MEI1: variants seen among roughly 807,000 people sequenced by gnomAD.
The protein encoded by MEI1 is meiotic double-stranded break formation protein 1, also known as meiosis inhibitor protein 1.
Under a neutral mutation model 146.2 loss-of-function variants are expected in MEI1, and 103 were observed. The observed-to-expected ratio is 0.70, with a 90% confidence interval of 0.60 to 0.83. The LOEUF is 0.83. Ranked by LOEUF, MEI1 falls within the 40% of genes least tolerant of loss-of-function variation. The pLI, the probability that MEI1 is intolerant of heterozygous loss-of-function variation, is 0.00. For synonymous variants in MEI1, 652 were observed against 628.2 expected (o/e 1.04, Z -0.57); for missense variants, 1,529 against 1,533.0 (o/e 1.00, Z 0.04).
chr22:41,742,650 A>C (rs1473564780), intron 11 of MEI1, among the ~76,000 whole-genome samples: 2 of 152,202 alleles, frequency 1.3e-5, no homozygotes, highest in Non-Finnish European at 2.9e-5. Flanking sequence ...TTAGATAAGC[A>C]TTGAAGTAAG....
At chr22:41,718,500 A>ACT (rs760985215) in intron 6 of MEI1, among the ~76,000 whole-genome samples, 236 of 152,246 alleles carry the variant, frequency 1.6e-3, no homozygotes, top group Middle Eastern at 3.4e-3. Context: ...GTGGGACAGC[A>ACT]ATTTTTTCTG....
intron 3 of MEI1, among the ~76,000 whole-genome samples, chr22:41,712,425 T>C (rs1451323670): frequency 1.3e-5 from 2 of 150,580 alleles, no homozygotes; most frequent in South Asian, 2.1e-4. Context: ...TTAGTAGAGA[T>C]GGGGTTTCAC....
chr22:41,741,241 A>T (rs1227036683), intron 11 of MEI1, among the ~76,000 whole-genome samples: 1 of 152,194 alleles, frequency 6.6e-6, no homozygotes, highest in Non-Finnish European at 1.5e-5. Flanking sequence ...ACGACACCTC[A>T]ATTTCAGATT....
intron 3 of MEI1, among the ~76,000 whole-genome samples, chr22:41,707,237 G>A (rs953468309): frequency 6.6e-6 from 1 of 152,086 alleles, no homozygotes; most frequent in Admixed American, 6.6e-5. Context: ...GTAGGTAACT[G>A]AAGAAAAAGA....
intron 12 of MEI1, among the ~76,000 whole-genome samples, chr22:41,743,764 A>G (rs2073070048): frequency 6.6e-6 from 1 of 152,350 alleles, no homozygotes. Context: ...TAATAGGGCC[A>G]TTATAGTCAA....
Position 41,787,665 on chromosome 22 carries a change from T to C in MEI1, c.3345+2882T>C, listed in dbSNP as rs557207650. On this transcript the variant is annotated intron_variant, in intron 26 of 30. Transcript: ENST00000401548. ...GGAAATGCTTTCTCCCTAATGTTTCTAAAAGCGCTGATGTTCCTGTTTTAA... is the reference window on the plus strand; with the variant it reads ...GGAAATGCTTTCTCCCTAATGTTTCCAAAAGCGCTGATGTTCCTGTTTTAA... Among the ~76,000 whole-genome samples the C allele has an allele frequency of 2.3e-4, 35 of 152,296 alleles. No individual in the cohort carries two copies. In the South Asian group the frequency reaches 2.7e-3, roughly 12 times the overall value.
intron 11 of MEI1, among the ~76,000 whole-genome samples, chr22:41,742,013 A>G (rs1488420363): frequency 1.3e-5 from 2 of 151,106 alleles, no homozygotes; most frequent in Admixed American, 1.3e-4. Flanking sequence ...GTAATCCCAC[A>G]CTTTGGGAAG....
At chr22:41,737,954 A>G (rs1292715070) in intron 11 of MEI1, among the ~76,000 whole-genome samples, 1 of 152,248 alleles carries the variant, frequency 6.6e-6, no homozygotes, top group African/African-American at 2.4e-5. Flanking sequence ...TTTATAGAGT[A>G]ACTTTTATTT....
intron 5 of MEI1, 100 bp downstream of exon 5, chr22:41,716,246 AC>A: frequency 1.3e-6 from 1 of 771,930 alleles, no homozygotes; most frequent in Non-Finnish European, 2.1e-6. Context: ...GGAAGTCATT[AC>A]TTTCCTGCTT....
At chr22:41,704,801 G>A (rs749033006) in intron 2 of MEI1, among the ~76,000 whole-genome samples, 5 of 151,852 alleles carry the variant, frequency 3.3e-5, no homozygotes, top group South Asian at 2.1e-4. Context: ...TTCAAGCTCC[G>A]CCTCCCAGGT....
chr22:41,699,622 T>C lies in MEI1; in HGVS notation c.84T>C (p.His28=). The change falls in exon 1 of 31, where the codon CAT becomes CAC. Residue 28 remains histidine, a synonymous_variant. Coordinates refer to ENST00000401548, the MANE Select transcript of MEI1 (RefSeq NM_152513.4). ...EEAALLFERA[H]YRHDPRWLLP... ...CGGCGCTTCTATTCGAGAGGGCCCA[T>C]TACCGGCACGACCCGCGCTGGCTGC... is the stretch of plus-strand genomic sequence containing the variant. 6.2e-7 allele frequency: 1 copy of C among 1,611,402 alleles called. No homozygotes were observed. The highest frequency in any genetic ancestry group is 8.5e-7 in the Non-Finnish European group (1 of 1,178,968).
At chr22:41,771,036 C>G in intron 20 of MEI1, 75 bp downstream of exon 20, 2 of 1,510,752 alleles carry the variant, frequency 1.3e-6, no homozygotes, top group Non-Finnish European at 1.8e-6. Context: ...TTACTGAGGT[C>G]AGGAGGCACC....
chr22:41,724,652 G>A (rs1264167228), intron 7 of MEI1, among the ~76,000 whole-genome samples: 8 of 151,630 alleles, frequency 5.3e-5, no homozygotes, highest in Non-Finnish European at 8.8e-5. Flanking sequence ...GGGCGTGGGC[G>A]TGGTGGTATG....
chr22:41,729,800 T>A (rs745882325), intron 8 of MEI1, 21 bp downstream of exon 8: 1 of 1,509,948 alleles, frequency 6.6e-7, no homozygotes, highest in South Asian at 1.2e-5. Flanking sequence ...ACTTCTAACC[T>A]TCTCCTCCCT....
chr22:41,781,346 T>C lies in MEI1; in HGVS notation c.2878T>C (p.Phe960Leu). 6.2e-7 allele frequency: 1 copy of C among 1,613,690 alleles called. No individual in the cohort carries two copies. Among genetic ancestry groups the C allele is most frequent in the Non-Finnish European group, 8.5e-7 (1 of 1,179,824 alleles). ...DVDILQPSFN[F>L]LYWSLHQTTP... ...GGACATCCTGCAGCCCTCCTTCAAC[T>C]TCCTGTATTGGAGCCTTCATCAGAC... The change falls in exon 23 of 31, where the codon TTC (phenylalanine) becomes CTC (leucine). Residue 960 changes from phenylalanine (F) to leucine (L), a missense_variant. Around this residue, in one of 3 missense-constraint regions of MEI1, gnomAD observed 1,212 missense variants for 1,178.9 expected, o/e 1.03. Transcript: ENST00000401548.
chr22:41,730,607 C>T lies in MEI1; in HGVS notation c.1066C>T (p.Leu356Phe), dbSNP rs1321659276. ...NCLTLLVEEP[L>F]FFSKCHTVYG... ...CTTGACACTCCTGGTAGAAGAGCCACTCTTTTTTTCCAAGTGCCACACGGT... is the reference window on the plus strand; with the variant it reads ...CTTGACACTCCTGGTAGAAGAGCCATTCTTTTTTTCCAAGTGCCACACGGT... Residue 356 changes from leucine (L) to phenylalanine (F), a missense_variant, in exon 9 of 31, where the codon CTC (leucine) becomes TTC (phenylalanine). Leu to Phe is a conservative substitution (Grantham distance 22). This residue lies in a region of MEI1 where 1,212 missense variants were observed against 1,178.9 expected (regional missense o/e 1.03). Transcript: ENST00000401548. 17 of 1,613,584 alleles carry T rather than the reference C, an allele frequency of 1.1e-5. No homozygotes were observed. Among genetic ancestry groups the T allele is most frequent in the African/African-American group, 1.3e-5 (1 of 74,888 alleles).
intron 19 of MEI1, among the ~76,000 whole-genome samples, chr22:41,765,845 T>C (rs536433425): frequency 8.6e-5 from 13 of 151,820 alleles, no homozygotes; most frequent in African/African-American, 3.1e-4. Context: ...GTGTAATCCT[T>C]AGTCATCAAT....
chr22:41,734,572 CCA>C (rs1377865820), intron 11 of MEI1, among the ~76,000 whole-genome samples: 1 of 152,210 alleles, frequency 6.6e-6, no homozygotes, highest in Admixed American at 6.5e-5. Context: ...CAGACTGAGG[CCA>C]CAGAGTGAGA....
chr22:41,712,383 C>CG, intron 3 of MEI1, among the ~76,000 whole-genome samples: 1 of 150,904 alleles, frequency 6.6e-6, no homozygotes, highest in Non-Finnish European at 1.5e-5. Context: ...TACAGGCGCC[C>CG]ACCACCACGC....
Sources: gnomAD v4.1 joint callset for allele counts (sites outside exome capture counted in the v4.1 genomes callset) on GRCh38, gnomAD v4.1.1 for gene constraint, gnomAD v4.1.1 regional missense constraint, MANE v1.5 for transcripts, NCBI Gene and HGNC (gene_info 2026-07-23, HGNC 2026-07-21) for gene names.